DCBLD1: variants seen among roughly 807,000 people sequenced by gnomAD.
DCBLD1 encodes discoidin, CUB and LCCL domain-containing protein 1.
Under a neutral mutation model 71.5 loss-of-function variants are expected in DCBLD1, and 57 were observed. The observed-to-expected ratio is 0.80, with a 90% CI of 0.64 to 0.99. DCBLD1 has a LOEUF of 0.99. DCBLD1 is among the 50% of genes least tolerant of loss of function. DCBLD1 has a pLI of 0.00. For missense variants in DCBLD1, 891 were observed against 923.5 expected (o/e 0.96, Z 0.46); for synonymous variants, 380 against 363.8 (o/e 1.04, Z -0.51).
chr6:117,534,888 T>C (rs879530301), intron 6 of DCBLD1, among the ~76,000 whole-genome samples: 4 of 152,128 alleles, frequency 2.6e-5, no homozygotes, highest in Non-Finnish European at 5.9e-5. Flanking sequence ...TAATTATTTG[T>C]ACTAATTGTC....
In DCBLD1 at chr6:117,503,321, G is replaced by T. The variant is rs538480338; in HGVS notation, c.113-446G>T. ...CAAAGTTACATCAGCTTAAGCCTCA[G>T]ATTCTAACAGGAGCATTTTCTGTAC... On this transcript the variant is annotated intron_variant, in intron 1 of 14. Coordinates refer to ENST00000338728, the MANE Select transcript of DCBLD1 (RefSeq NM_001366458.2). Among the ~76,000 whole-genome samples the T allele has an allele frequency of 2.0e-5, 3 of 152,328 alleles. No homozygotes were observed. In the South Asian group the frequency reaches 6.2e-4, roughly 32 times the overall value.
intron 14 of DCBLD1, chr6:117,566,817 T>C: frequency 3.8e-6 from 5 of 1,320,598 alleles, no homozygotes; most frequent in South Asian, 1.6e-5. Context: ...TTAATAATAA[T>C]GAATATGTTA....
At chr6:117,554,792 C>T (rs549679954), downstream of DCBLD1, among the ~76,000 whole-genome samples, 7 of 151,696 alleles carry the variant, frequency 4.6e-5, no homozygotes, top group South Asian at 1.2e-3. Context: ...ACTCGGCAGG[C>T]TGAGGCAGGA....
downstream of DCBLD1, among the ~76,000 whole-genome samples, chr6:117,554,504 A>G (rs1779470964): frequency 6.6e-6 from 1 of 152,222 alleles, no homozygotes; most frequent in African/African-American, 2.4e-5. Context: ...TAATTACATA[A>G]TTAGATGTCC....
chr6:117,557,007 T>C (rs991575021), intron 14 of DCBLD1, among the ~76,000 whole-genome samples: 8 of 152,176 alleles, frequency 5.3e-5, no homozygotes, highest in Non-Finnish European at 1.2e-4. Context: ...CATCCACTTG[T>C]ATGTTTTCTT....
At chr6:117,523,455 T>C (rs1157940084) in intron 4 of DCBLD1, among the ~76,000 whole-genome samples, 3 of 152,254 alleles carry the variant, frequency 2.0e-5, no homozygotes, top group Non-Finnish European at 4.4e-5. Context: ...TATTAAGGCA[T>C]TTGACACAAG....
intron 14 of DCBLD1, chr6:117,563,468 TC>T: frequency 7.4e-7 from 1 of 1,360,088 alleles, no homozygotes; most frequent in Non-Finnish European, 1.0e-6. Context: ...ATACCTGTAA[TC>T]CCAGCACTTT....
chr6:117,552,109 G>T (rs1472187117), downstream of DCBLD1, among the ~76,000 whole-genome samples: 2 of 152,180 alleles, frequency 1.3e-5, no homozygotes, highest in African/African-American at 4.8e-5. Context: ...AACAGAGCAA[G>T]ACCATGTTTT....
At chr6:117,515,864 A>G (rs1319427170) in intron 2 of DCBLD1, among the ~76,000 whole-genome samples, 2 of 152,206 alleles carry the variant, frequency 1.3e-5, no homozygotes, top group Non-Finnish European at 2.9e-5. Flanking sequence ...TTTCAATTCA[A>G]TTCAAACTGT....
intron 14 of DCBLD1, chr6:117,569,605 C>T (rs749365951): frequency 3.1e-6 from 5 of 1,613,104 alleles, no homozygotes; most frequent in Non-Finnish European, 3.4e-6. Context: ...CTTCTTTATG[C>T]TTTGTGTCCC....
chr6:117,502,051 G>C (rs887286022), intron 1 of DCBLD1, among the ~76,000 whole-genome samples: 1 of 152,038 alleles, frequency 6.6e-6, no homozygotes, highest in Non-Finnish European at 1.5e-5. Flanking sequence ...CTTCCTTCCT[G>C]TTCCAGCTAC....
chr6:117,488,167 T>C (rs1777155180), intron 1 of DCBLD1, among the ~76,000 whole-genome samples: 1 of 152,202 alleles, frequency 6.6e-6, no homozygotes, highest in Non-Finnish European at 1.5e-5. Flanking sequence ...CTTTCACCGC[T>C]AGCACCCAGT....
At chr6:117,509,700 G>A (rs1256812687) in intron 2 of DCBLD1, among the ~76,000 whole-genome samples, 4 of 151,570 alleles carry the variant, frequency 2.6e-5, no homozygotes, top group East Asian at 1.9e-4. Flanking sequence ...TGTTCCCCTC[G>A]TAATACCCTG....
intron 2 of DCBLD1, 114 bp downstream of exon 2, chr6:117,504,093 C>G: frequency 1.7e-6 from 2 of 1,188,290 alleles, no homozygotes; most frequent in South Asian, 1.5e-5. Context: ...GAGAAACTTG[C>G]TTCTGTAAAT....
At chr6:117,499,339 C>T (rs1252857998) in intron 1 of DCBLD1, among the ~76,000 whole-genome samples, 3 of 148,480 alleles carry the variant, frequency 2.0e-5, no homozygotes, top group Non-Finnish European at 4.4e-5. Flanking sequence ...CCTCAGAGGT[C>T]GAGGGTGCAG....
chr6:117,519,915 G>GT lies in DCBLD1; in HGVS notation c.431dup (p.Leu144PhefsTer20). On this transcript the variant is annotated frameshift_variant, in exon 3 of 15. Transcript: ENST00000338728. LOFTEE classifies it high-confidence loss of function. ...AGTGGATCCCACATTTCTGGCCGGG[G>GT]TTTTTTGCTGACCTATGCGAGCAGC... The GT allele has an allele frequency of 6.2e-7, 1 of 1,614,120 alleles. No homozygotes were observed. Among genetic ancestry groups the GT allele is most frequent in the Non-Finnish European group, 8.5e-7 (1 of 1,180,008 alleles).
chr6:117,548,289 C>T lies in DCBLD1; in HGVS notation c.1998C>T (p.Asp666=), dbSNP rs898386977. ...HSAQPADRGY[D]RPKAVSALAT... is the part of the protein sequence containing the mutation. ...CACAGCCTGCGGACAGGGGCTACGA[C>T]CGGCCCAAAGCTGTCAGCGCCCTCG... is the stretch of plus-strand genomic sequence containing the variant. Residue 666 remains aspartate (D), a synonymous_variant, in exon 15 of 15, where the codon GAC becomes GAT. Transcript: ENST00000338728. 1.3e-6 allele frequency: 2 copies of T among 1,550,656 alleles called. No homozygotes were observed. Among genetic ancestry groups the T allele is most frequent in the Non-Finnish European group, 1.7e-6 (2 of 1,146,994 alleles).
chr6:117,554,686 A>G (rs1779473872), downstream of DCBLD1, among the ~76,000 whole-genome samples: 1 of 152,120 alleles, frequency 6.6e-6, no homozygotes, highest in African/African-American at 2.4e-5. Context: ...TGAGGTCAAG[A>G]GATCGAGACT....
chr6:117,515,242 C>T (rs1390992493), intron 2 of DCBLD1, among the ~76,000 whole-genome samples: 2 of 151,960 alleles, frequency 1.3e-5, no homozygotes, highest in African/African-American at 4.8e-5. Flanking sequence ...AGGCTAGTCT[C>T]GAACTCCTGA....
Sources: gnomAD v4.1 joint callset for allele counts (sites outside exome capture counted in the v4.1 genomes callset) on GRCh38, gnomAD v4.1.1 for gene constraint, MANE v1.5 for transcripts, NCBI Gene and HGNC (gene_info 2026-07-23, HGNC 2026-07-21) for gene names.